The following PSAT1 variants were observed in gnomAD, a reference collection of about 807,000 sequenced individuals.
PSAT1 encodes the protein phosphoserine aminotransferase 1.
PSAT1 carries 41 observed loss-of-function variants against 40.3 expected under a neutral mutation model. The observed-to-expected ratio is 1.02, with a 90% CI of 0.79 to 1.32. The LOEUF (loss-of-function observed/expected upper bound fraction) is 1.32. PSAT1 is among the 40% of genes most tolerant of loss of function. PSAT1 has a pLI of 0.00. For missense variants in PSAT1, 406 were observed against 455.8 expected, an observed-to-expected ratio of 0.89 and a Z score of 0.99; for synonymous variants, 147 against 170.5, an observed-to-expected ratio of 0.86 and a Z score of 1.07.
chr9:78,323,913 A>G (rs966342373), intron 7 of PSAT1, among the ~76,000 whole-genome samples: 1 of 152,156 alleles, frequency 6.6e-6, no homozygotes, highest in Non-Finnish European at 1.5e-5. Context: ...TGTATCTGAC[A>G]CATCCTTTCA....
chr9:78,301,679 A>G (rs1286708974), intron 2 of PSAT1, among the ~76,000 whole-genome samples: 1 of 152,252 alleles, frequency 6.6e-6, no homozygotes, highest in East Asian at 1.9e-4. Flanking sequence ...GAAGAATCAC[A>G]GAGAGCATCA....
intron 3 of PSAT1, among the ~76,000 whole-genome samples, chr9:78,302,996 C>T (rs569767009): frequency 9.9e-5 from 15 of 152,146 alleles, no homozygotes; most frequent in East Asian, 1.9e-4. Context: ...CATAAACCTA[C>T]GAATATAGCA....
At chr9:78,317,862 T>C in intron 7 of PSAT1, 58 bp downstream of exon 7, 1 of 1,564,166 alleles carries the variant, frequency 6.4e-7, no homozygotes, top group South Asian at 1.1e-5. Context: ...ACTGTGTATA[T>C]ACTGTGTACC....
At position 78,299,895 on chromosome 9, in the gene PSAT1, C is replaced by T. The variant is rs535392193; in HGVS notation, c.61-707C>T. 2.6e-5 allele frequency among the ~76,000 whole-genome samples: 4 copies of T among 152,164 alleles called. No individual in the cohort carries two copies. In the South Asian group the frequency reaches 8.3e-4, roughly 32 times the overall value. On this transcript the variant is annotated intron_variant, in intron 1 of 8. Transcript: ENST00000376588. ...GTTATAGCTGTGTTTTAATGATGCC[C>T]TCCTTAGCAAGCATCTTAAAAAAAA...
intron 7 of PSAT1, among the ~76,000 whole-genome samples, chr9:78,323,894 C>T (rs1828462002): frequency 6.6e-6 from 1 of 152,176 alleles, no homozygotes. Flanking sequence ...TCTTCTTTCT[C>T]ATTCCCTGTG....
Position 78,297,216 on chromosome 9 carries a change from C to T in PSAT1, c.6C>T (p.Asp2=). The stretch of plus-strand genomic sequence containing the variant: ...ACCGCCCTGGCCGCCGCACCATGGA[C>T]GCCCCCAGGCAGGTGGTCAACTTTG... The part of the protein sequence containing the change: M[D]APRQVVNFGP... Residue 2 remains aspartate, a synonymous_variant, in exon 1 of 9, where the codon GAC becomes GAT. Coordinates refer to ENST00000376588, the MANE Select transcript of PSAT1 (RefSeq NM_058179.4). 2 of 1,601,338 alleles carry T rather than the reference C, an allele frequency of 1.2e-6. No individual in the cohort carries two copies. Among genetic ancestry groups the T allele is most frequent in the Non-Finnish European group, 1.7e-6 (2 of 1,177,876 alleles).
At chr9:78,321,337 C>CTT (rs1828426827) in intron 7 of PSAT1, among the ~76,000 whole-genome samples, 1 of 152,198 alleles carries the variant, frequency 6.6e-6, no homozygotes, top group Non-Finnish European at 1.5e-5. Flanking sequence ...TGTCTCTCCT[C>CTT]TGTTTATAGC....
intron 6 of PSAT1, among the ~76,000 whole-genome samples, chr9:78,313,632 T>A (rs960524912): frequency 6.6e-6 from 1 of 152,240 alleles, no homozygotes; most frequent in Non-Finnish European, 1.5e-5. Flanking sequence ...TGCCTATTTT[T>A]ATTTTTTACT....
intron 7 of PSAT1, among the ~76,000 whole-genome samples, chr9:78,324,019 G>A (rs1290437021): frequency 1.3e-5 from 2 of 152,102 alleles, no homozygotes; most frequent in South Asian, 2.1e-4. Context: ...TTCGTGGGAT[G>A]GGTGTCCCTG....
Position 78,304,756 on chromosome 9 carries a change from G to A in PSAT1, c.213G>A (p.Lys71=). The change falls in exon 4 of 9, where the codon AAG becomes AAA. Residue 71 remains lysine (K), a synonymous_variant. Coordinates refer to ENST00000376588, the MANE Select transcript of PSAT1 (RefSeq NM_058179.4). ...CCAGAGCTGTTCCAGACAACTATAAGGTGATTTTTCTGCAAGGAGGTGGGT... is the reference window on the plus strand; with the variant it reads ...CCAGAGCTGTTCCAGACAACTATAAAGTGATTTTTCTGCAAGGAGGTGGGT... The part of the protein sequence containing the change: ...RELLAVPDNY[K]VIFLQGGGCG... 1 of 1,614,060 alleles carries A rather than the reference G, an allele frequency of 6.2e-7. No individual in the cohort carries two copies. The highest frequency in any genetic ancestry group is 8.5e-7 in the Non-Finnish European group (1 of 1,179,930).
intron 1 of PSAT1, chr9:78,298,399 T>G (rs1828058661): frequency 1.0e-6 from 1 of 985,282 alleles, no homozygotes; most frequent in Non-Finnish European, 1.2e-6. Context: ...TGTGTTGTGG[T>G]AAGAACAGAG....
chr9:78,303,023 A>AT (rs929867335), intron 3 of PSAT1, among the ~76,000 whole-genome samples: 1 of 151,930 alleles, frequency 6.6e-6, no homozygotes, highest in Non-Finnish European at 1.5e-5. Flanking sequence ...AAAGCATACC[A>AT]TTTTTTTTCC....
At chr9:78,300,131 G>A (rs750743317) in intron 1 of PSAT1, among the ~76,000 whole-genome samples, 7 of 152,258 alleles carry the variant, frequency 4.6e-5, no homozygotes, top group Non-Finnish European at 8.8e-5. Flanking sequence ...ACCCTGGGAC[G>A]AATCTTATTC....
intron 6 of PSAT1, among the ~76,000 whole-genome samples, chr9:78,312,084 A>G (rs189521510): frequency 4.4e-4 from 66 of 150,998 alleles, no homozygotes; most frequent in African/African-American, 1.5e-3. Context: ...TCTAATGACC[A>G]TAGGCCCTGG....
chr9:78,316,637 G>C (rs1185607844), intron 6 of PSAT1, among the ~76,000 whole-genome samples: 1 of 152,196 alleles, frequency 6.6e-6, no homozygotes, highest in Non-Finnish European at 1.5e-5. Context: ...GGAGGGTGGA[G>C]TTGGGAAGAG....
chr9:78,325,645 T>TA (rs1448533024), intron 7 of PSAT1, among the ~76,000 whole-genome samples: 1 of 152,246 alleles, frequency 6.6e-6, no homozygotes, highest in African/African-American at 2.4e-5. Context: ...CCTTGGCTGT[T>TA]ACAGCACTTC....
intron 7 of PSAT1, among the ~76,000 whole-genome samples, chr9:78,318,913 G>A (rs369841073): frequency 5.9e-5 from 9 of 152,338 alleles, no homozygotes; most frequent in African/African-American, 2.2e-4. Context: ...GCAGAGAAGT[G>A]TAACAGGTGG....
At chr9:78,299,145 A>C (rs13284173) in intron 1 of PSAT1, among the ~76,000 whole-genome samples, 7 of 14,366 alleles carry the variant, frequency 4.9e-4, no homozygotes, top group African/African-American at 2.7e-3. Flanking sequence ...GTCTCTTAAC[A>C]AAAAAAAAAA....
In PSAT1 at chr9:78,304,721, A is replaced by C. The variant is rs765489661; in HGVS notation, c.192-14A>C. 1.9e-6 allele frequency: 3 copies of C among 1,604,826 alleles called. No homozygotes were observed. Among genetic ancestry groups the C allele is most frequent in the Non-Finnish European group, 2.6e-6 (3 of 1,171,656 alleles). ...TGAGTTTATGTATTGACTGTTACCTATGCTTCTGCCCAGAGCTGTTCCAGA... is the reference window on the plus strand; with the variant it reads ...TGAGTTTATGTATTGACTGTTACCTCTGCTTCTGCCCAGAGCTGTTCCAGA... On this transcript the variant is annotated splice_polypyrimidine_tract_variant and intron_variant, in intron 3 of 8. Transcript: ENST00000376588.
Sources: allele counts gnomAD v4.1 joint callset (sites outside exome capture counted in the v4.1 genomes callset), GRCh38; gene constraint gnomAD v4.1.1; transcripts MANE v1.5; gene names NCBI Gene and HGNC (gene_info 2026-07-23, HGNC 2026-07-21).